The following MCC variants were observed in gnomAD, a reference collection of about 807,000 sequenced individuals.
The protein encoded by MCC is MCC regulator of Wnt signaling pathway.
Under a neutral mutation model 116.2 loss-of-function variants are expected in MCC, and 90 were observed. That is an observed-to-expected ratio of 0.77 (90% CI 0.65 to 0.92). The LOEUF (loss-of-function observed/expected upper bound fraction) is 0.92. Ranked by LOEUF, MCC falls within the 40% of genes least tolerant of loss-of-function variation. MCC has a pLI of 0.00. For missense variants in MCC, 1,516 were observed against 1,312.2 expected (o/e 1.16, Z -2.40); for synonymous variants, 578 against 510.5 (o/e 1.13, Z -1.78).
intron 3 of MCC, among the ~76,000 whole-genome samples, chr5:113,252,484 G>C (rs1251186189): frequency 2.0e-5 from 3 of 152,168 alleles, no homozygotes; most frequent in Non-Finnish European, 4.4e-5. Flanking sequence ...CTTATGATCT[G>C]TCGCTGTCTG....
chr5:113,329,311 G>T (rs1767638520), intron 3 of MCC, among the ~76,000 whole-genome samples: 1 of 151,972 alleles, frequency 6.6e-6, no homozygotes, highest in Admixed American at 6.6e-5. Flanking sequence ...CCTCTAGTTG[G>T]GTGAATTGGA....
chr5:113,468,252 C>G (rs1771972441), intron 1 of MCC, among the ~76,000 whole-genome samples: 1 of 152,140 alleles, frequency 6.6e-6, no homozygotes, highest in Non-Finnish European at 1.5e-5. Flanking sequence ...GCATCCCTGT[C>G]TTGTGCCAGT....
chr5:113,173,843 A>G (rs1031747718), intron 3 of MCC, among the ~76,000 whole-genome samples: 1 of 152,212 alleles, frequency 6.6e-6, no homozygotes, highest in Non-Finnish European at 1.5e-5. Flanking sequence ...AAACAGCACC[A>G]TAACCCTGAA....
chr5:113,488,415 G>A lies in MCC; in HGVS notation c.-1C>T, dbSNP rs1561598811. ...CCGCTGCCGCCGCGGCCGCCATCATGCGCCCGCTCCCTACTTGGGAGGAGG... is the reference window on the plus strand; with the variant it reads ...CCGCTGCCGCCGCGGCCGCCATCATACGCCCGCTCCCTACTTGGGAGGAGG... On this transcript the variant is annotated 5_prime_UTR_variant, in exon 1 of 19. Transcript: ENST00000408903. The A allele has an allele frequency of 7.1e-7, 1 of 1,400,240 alleles. No individual in the cohort carries two copies. Among genetic ancestry groups the A allele is most frequent in the African/African-American group, 1.5e-5 (1 of 66,230 alleles). The allele number at this position is 1,400,240 out of a possible 1,614,324, so 86.7% of individuals were successfully genotyped here. A position where few individuals can be genotyped will look rare whatever the true frequency, so the allele number is the denominator to read the frequency against.
At chr5:113,238,195 G>T (rs1304702502) in intron 3 of MCC, among the ~76,000 whole-genome samples, 1 of 152,146 alleles carries the variant, frequency 6.6e-6, no homozygotes, top group African/African-American at 2.4e-5. Context: ...AGGCACCACT[G>T]TTGAAATAGA....
intron 17 of MCC, among the ~76,000 whole-genome samples, chr5:113,038,313 G>A (rs1003685487): frequency 1.3e-5 from 2 of 152,060 alleles, no homozygotes; most frequent in Admixed American, 1.3e-4. Flanking sequence ...AGGAACAGCT[G>A]AAGACATGAG....
chr5:113,336,466 G>A (rs1032246890), intron 3 of MCC, among the ~76,000 whole-genome samples: 12 of 151,598 alleles, frequency 7.9e-5, no homozygotes, highest in Non-Finnish European at 5.9e-5. Flanking sequence ...CAGGTCACCC[G>A]CAGCATCAAG....
intron 5 of MCC, among the ~76,000 whole-genome samples, chr5:113,127,284 C>A (rs1040716319): frequency 3.3e-5 from 5 of 152,182 alleles, no homozygotes; most frequent in Admixed American, 1.3e-4. Context: ...CATGTCTTTG[C>A]TATTGTGAAC....
chr5:113,324,404 C>CA (rs1561524009), intron 3 of MCC, among the ~76,000 whole-genome samples: 1 of 152,042 alleles, frequency 6.6e-6, no homozygotes, highest in Non-Finnish European at 1.5e-5. Context: ...ATATTCATTG[C>CA]AAAAAATTAA....
chr5:113,033,551 A>G (rs1045025848), intron 17 of MCC, among the ~76,000 whole-genome samples: 2 of 152,244 alleles, frequency 1.3e-5, no homozygotes, highest in Non-Finnish European at 2.9e-5. Flanking sequence ...GTTTGGGTAC[A>G]TAAGTTAGGC....
intron 3 of MCC, among the ~76,000 whole-genome samples, chr5:113,282,398 G>A (rs1012795754): frequency 6.6e-6 from 1 of 152,182 alleles, no homozygotes; most frequent in Non-Finnish European, 1.5e-5. Context: ...AATTACATGT[G>A]TGTCCAGACA....
chr5:113,225,718 A>C (rs1238122943), intron 3 of MCC, among the ~76,000 whole-genome samples: 1 of 152,254 alleles, frequency 6.6e-6, no homozygotes, highest in East Asian at 1.9e-4. Flanking sequence ...CATGTGCTGT[A>C]TAGTCACAAA....
chr5:113,050,787 A>G (rs1752432961), intron 15 of MCC, among the ~76,000 whole-genome samples: 1 of 152,198 alleles, frequency 6.6e-6, no homozygotes, highest in Non-Finnish European at 1.5e-5. Flanking sequence ...GCCAGAGAGA[A>G]CGGCAAGGAG....
chr5:113,094,684 T>G (rs761936316), intron 8 of MCC, among the ~76,000 whole-genome samples: 2 of 152,270 alleles, frequency 1.3e-5, no homozygotes, highest in Non-Finnish European at 2.9e-5. Flanking sequence ...CCTCCCAAAG[T>G]GCTGGGATTA....
rs1214978622 is a variant in MCC, at chr5:113,487,505, T to C, written c.170+740A>G. The stretch of plus-strand genomic sequence containing the variant: ...GCAGGAAGCTTAAATACCGCCTCTG[T>C]AGGAAGTGCGGGGGATCCGAAGCAA... On this transcript the variant is annotated intron_variant, in intron 1 of 18. Coordinates refer to ENST00000408903, the MANE Select transcript of MCC (RefSeq NM_001085377.2). Among the ~76,000 whole-genome samples, 7 of 152,342 alleles carry C rather than the reference T, an allele frequency of 4.6e-5. No homozygotes were observed. The East Asian group carries it at 9.7e-4, about 21-fold the overall frequency.
chr5:113,482,443 A>G (rs1772405088), intron 1 of MCC, among the ~76,000 whole-genome samples: 1 of 134,516 alleles, frequency 7.4e-6, no homozygotes, highest in African/African-American at 2.9e-5. Flanking sequence ...TGTTGATTAT[A>G]GTCTTCCTAG....
chr5:113,414,724 G>T (rs1184781655), intron 1 of MCC, among the ~76,000 whole-genome samples: 1 of 152,070 alleles, frequency 6.6e-6, no homozygotes, highest in Non-Finnish European at 1.5e-5. Flanking sequence ...TATCCAATTT[G>T]CCAGTCTGTG....
chr5:113,202,585 AACAC>A (rs1435468171), intron 3 of MCC, among the ~76,000 whole-genome samples: 1 of 152,168 alleles, frequency 6.6e-6, no homozygotes, highest in African/African-American at 2.4e-5. Context: ...GGGACACAAA[AACAC>A]ACACGCTTAT....
At chr5:113,374,862 C>G (rs1428227236) in intron 2 of MCC, among the ~76,000 whole-genome samples, 1 of 151,804 alleles carries the variant, frequency 6.6e-6, no homozygotes, top group Admixed American at 6.6e-5. Flanking sequence ...CATGGTGGTG[C>G]ACGCCTGTGG....
Sources: gnomAD v4.1 joint callset for allele counts (sites outside exome capture counted in the v4.1 genomes callset) on GRCh38, gnomAD v4.1.1 for gene constraint, MANE v1.5 for transcripts, NCBI Gene and HGNC (gene_info 2026-07-23, HGNC 2026-07-21) for gene names.